Variants in BTBD9 observed in about 807,000 individuals in gnomAD.
The protein encoded by BTBD9 is BTB domain containing 9.
In BTBD9, 49 loss-of-function variants were observed where a neutral mutation model predicts 64.3. That is an observed-to-expected ratio of 0.76 (90% CI 0.61 to 0.97). BTBD9 has a LOEUF of 0.97. BTBD9 is among the 50% of genes least tolerant of loss of function. The pLI, the probability that BTBD9 is intolerant of heterozygous loss-of-function variation, is 0.00. For synonymous variants in BTBD9, 260 were observed against 274.7 expected (o/e 0.95, Z 0.53); for missense variants, 598 against 762.1 (o/e 0.78, Z 2.53).
At chr6:38,567,329 T>C (rs1195883797) in intron 6 of BTBD9, among the ~76,000 whole-genome samples, 4 of 152,226 alleles carry the variant, frequency 2.6e-5, no homozygotes, top group African/African-American at 9.6e-5. Flanking sequence ...ATTAAACCTA[T>C]AGCTTCTTAT....
intron 4 of BTBD9, chr6:38,588,042 C>A: frequency 1.4e-6 from 1 of 729,546 alleles, no homozygotes; most frequent in Non-Finnish European, 2.5e-6. Flanking sequence ...AAGATACAAG[C>A]AGGTCAGACT....
chr6:38,368,133 G>A (rs1226745802), intron 6 of BTBD9, among the ~76,000 whole-genome samples: 1 of 152,104 alleles, frequency 6.6e-6, no homozygotes, highest in Non-Finnish European at 1.5e-5. Flanking sequence ...CCTTAAGGAA[G>A]CTTTTAAGAC....
intron 3 of BTBD9, 105 bp downstream of exon 3, chr6:38,593,859 A>G (rs892351861): frequency 6.6e-6 from 7 of 1,053,846 alleles, no homozygotes; most frequent in African/African-American, 1.6e-5. Context: ...ACGCTTTGAT[A>G]CCAATGATTT....
At chr6:38,609,503 T>C (rs138820364) in intron 1 of BTBD9, among the ~76,000 whole-genome samples, 1 of 152,210 alleles carries the variant, frequency 6.6e-6, no homozygotes, top group Non-Finnish European at 1.5e-5. Flanking sequence ...ATATGTGGCC[T>C]GCCTTTCACC....
chr6:38,500,602 C>G (rs1448609884), intron 6 of BTBD9, among the ~76,000 whole-genome samples: 1 of 152,200 alleles, frequency 6.6e-6, no homozygotes, highest in Non-Finnish European at 1.5e-5. Context: ...TCCATTAACT[C>G]TGAGCAACAT....
chr6:38,187,128 G>A (rs184831446), intron 10 of BTBD9, among the ~76,000 whole-genome samples: 32 of 152,280 alleles, frequency 2.1e-4, no homozygotes, highest in African/African-American at 6.7e-4. Flanking sequence ...GGGAGACCCC[G>A]CACATCAGAA....
intron 7 of BTBD9, among the ~76,000 whole-genome samples, chr6:38,332,738 G>A (rs937130641): frequency 9.2e-5 from 14 of 152,094 alleles, no homozygotes; most frequent in African/African-American, 3.4e-4. Flanking sequence ...TAGTAGTACT[G>A]TATTAAATTT....
At chr6:38,309,777 T>A (rs912262732) in intron 7 of BTBD9, among the ~76,000 whole-genome samples, 1 of 151,946 alleles carries the variant, frequency 6.6e-6, no homozygotes, top group African/African-American at 2.4e-5. Flanking sequence ...TTTTTTTTTT[T>A]AAGCTAGAGG....
rs557310093 is a variant in BTBD9 at position 38,253,692 on chromosome 6, G to A, written c.1562+2717C>T. Among the ~76,000 whole-genome samples the A allele has an allele frequency of 2.0e-5, 3 of 152,312 alleles. No individual in the cohort carries two copies. In the East Asian group the frequency reaches 5.8e-4, roughly 29 times the overall value. ...GGTCTGGGAGCTGTGGACCCAATAAGCAAAGACTCTGGAAAGACAAATGCA... is the reference window on the plus strand; with the variant it reads ...GGTCTGGGAGCTGTGGACCCAATAAACAAAGACTCTGGAAAGACAAATGCA... On this transcript the variant is annotated intron_variant, in intron 9 of 10. Coordinates refer to ENST00000481247, the MANE Select transcript of BTBD9 (RefSeq NM_001099272.2).
In BTBD9 at chr6:38,493,992, T is replaced by A. The variant is rs190072143; in HGVS notation, c.1154+83608A>T. 2.2e-3 allele frequency among the ~76,000 whole-genome samples: 328 copies of A among 152,348 alleles called. 3 individuals carry two copies. Among genetic ancestry groups the A allele is most frequent in the Non-Finnish European group, 2.0e-3 (135 of 68,030 alleles). Reference sequence around the variant, plus strand: ...AAGCCATTACTGTCATTCAAACAAGTTTCCACAGCTAAAGGCTGAATGTTA... The same window carrying A: ...AAGCCATTACTGTCATTCAAACAAGATTCCACAGCTAAAGGCTGAATGTTA... On this transcript the variant is annotated intron_variant, in intron 6 of 10. Coordinates refer to ENST00000481247, the MANE Select transcript of BTBD9 (RefSeq NM_001099272.2).
At chr6:38,358,278 C>T (rs1764811239) in intron 6 of BTBD9, among the ~76,000 whole-genome samples, 1 of 151,994 alleles carries the variant, frequency 6.6e-6, no homozygotes, top group African/African-American at 2.4e-5. Flanking sequence ...TCTTCCTGCA[C>T]ATCCACACTG....
chr6:38,460,072 A>G (rs1770004119), intron 6 of BTBD9, among the ~76,000 whole-genome samples: 1 of 152,228 alleles, frequency 6.6e-6, no homozygotes, highest in African/African-American at 2.4e-5. Context: ...TGGGAAGTCA[A>G]TGCTAATACA....
At chr6:38,466,259 ATCTG>A (rs1473279589) in intron 6 of BTBD9, among the ~76,000 whole-genome samples, 1 of 149,092 alleles carries the variant, frequency 6.7e-6, no homozygotes, top group Non-Finnish European at 1.5e-5. Context: ...TTGACTGAAA[ATCTG>A]AGCTCCATGC....
chr6:38,560,682 G>A (rs1230101649), intron 6 of BTBD9, among the ~76,000 whole-genome samples: 1 of 151,946 alleles, frequency 6.6e-6, no homozygotes, highest in African/African-American at 2.4e-5. Flanking sequence ...CACCACCTAG[G>A]TACCCATTAT....
intron 1 of BTBD9, among the ~76,000 whole-genome samples, chr6:38,618,036 C>G (rs1214967244): frequency 2.0e-5 from 3 of 152,214 alleles, no homozygotes; most frequent in Non-Finnish European, 4.4e-5. Context: ...TCCACTGCTG[C>G]TTCAGTGAGC....
intron 7 of BTBD9, 49 bp from the exon 8 acceptor site, chr6:38,288,510 A>G (rs1353173062): frequency 4.7e-6 from 7 of 1,493,246 alleles, no homozygotes; most frequent in South Asian, 2.3e-5. Flanking sequence ...GAAGCCAAAT[A>G]TATCTCTATA....
intron 6 of BTBD9, among the ~76,000 whole-genome samples, chr6:38,500,326 C>G (rs1772140810): frequency 6.6e-6 from 1 of 152,076 alleles, no homozygotes; most frequent in African/African-American, 2.4e-5. Context: ...GCCAAGAAAA[C>G]ACTGGTAATA....
intron 6 of BTBD9, among the ~76,000 whole-genome samples, chr6:38,467,264 C>G (rs1231101628): frequency 6.6e-6 from 1 of 152,130 alleles, no homozygotes. Context: ...TTTTCAGAAA[C>G]CGTCAGACGC....
At chr6:38,507,645 T>C (rs1237884698) in intron 6 of BTBD9, among the ~76,000 whole-genome samples, 1 of 152,144 alleles carries the variant, frequency 6.6e-6, no homozygotes, top group African/African-American at 2.4e-5. Flanking sequence ...GACAATTCAC[T>C]CTTTTGATGT....
Sources: allele counts gnomAD v4.1 joint callset (sites outside exome capture counted in the v4.1 genomes callset), GRCh38; gene constraint gnomAD v4.1.1; transcripts MANE v1.5; gene names NCBI Gene and HGNC (gene_info 2026-07-23, HGNC 2026-07-21).